The following TNS1 variants were observed in gnomAD, a reference collection of about 807,000 sequenced individuals.
TNS1 encodes the protein tensin-1.
Under a neutral mutation model 168.6 loss-of-function variants are expected in TNS1, and 62 were observed. That is an observed-to-expected ratio of 0.37 (90% CI 0.30 to 0.45). The LOEUF is 0.45. Among genes scored for constraint, TNS1 ranks in the 20% least tolerant of loss-of-function variants. The pLI is 1.00. For missense variants in TNS1, 2,240 were observed against 2,339.4 expected, an observed-to-expected ratio of 0.96 and a Z score of 0.88; for synonymous variants, 934 against 933.2, an observed-to-expected ratio of 1.00 and a Z score of -0.02.
upstream of TNS1, chr2:218,003,007 C>A: frequency 2.2e-6 from 1 of 444,590 alleles, no homozygotes; most frequent in Non-Finnish European, 4.5e-6. Flanking sequence ...CTGGGCCTCT[C>A]GCCCTGCTGC....
chr2:217,860,136 CA>C (rs1185763736), intron 18 of TNS1, among the ~76,000 whole-genome samples: 1 of 152,204 alleles, frequency 6.6e-6, no homozygotes, highest in African/African-American at 2.4e-5. Flanking sequence ...AAGTTTGGTA[CA>C]GCGAGATTGG....
chr2:217,966,309 G>A (rs1356747163), intron 3 of TNS1, among the ~76,000 whole-genome samples: 2 of 122,242 alleles, frequency 1.6e-5, no homozygotes, highest in Non-Finnish European at 1.7e-5. Flanking sequence ...GTGTGTGTGT[G>A]CGCGCGCGCG....
intron 3 of TNS1, among the ~76,000 whole-genome samples, chr2:217,973,977 G>C (rs945928272): frequency 6.6e-6 from 1 of 152,152 alleles, no homozygotes; most frequent in African/African-American, 2.4e-5. Context: ...CCTGCAATCC[G>C]CAAGAACACG....
At chr2:217,925,157 G>A (rs1372241137) in intron 3 of TNS1, among the ~76,000 whole-genome samples, 1 of 152,112 alleles carries the variant, frequency 6.6e-6, no homozygotes, top group Non-Finnish European at 1.5e-5. Flanking sequence ...CCTATGAAAT[G>A]TTCTGTCGTG....
At chr2:218,002,689 T>C (rs1958588480) in intron 1 of TNS1, among the ~76,000 whole-genome samples, 151 bp downstream of exon 1, 2 of 152,084 alleles carry the variant, frequency 1.3e-5, no homozygotes, top group Admixed American at 1.3e-4. Flanking sequence ...AGTCAGTCTG[T>C]CCTTCTGTAG....
At chr2:218,020,334 G>T (rs969812704) in intron 1 of TNS1, among the ~76,000 whole-genome samples, 3 of 152,056 alleles carry the variant, frequency 2.0e-5, no homozygotes, top group Admixed American at 2.0e-4. Flanking sequence ...GCCAACTCCT[G>T]GCTCAGCAGG....
At chr2:217,984,278 A>G (rs1342048235) in intron 2 of TNS1, among the ~76,000 whole-genome samples, 4 of 152,204 alleles carry the variant, frequency 2.6e-5, no homozygotes, top group Non-Finnish European at 5.9e-5. Context: ...GTCGGGGGAC[A>G]TGGTGTGGCT....
chr2:217,808,057 G>C lies in TNS1; in HGVS notation c.5375+18C>G, dbSNP rs1375583567. On this transcript the variant is annotated intron_variant, in intron 32 of 32. Coordinates refer to ENST00000682258, the MANE Select transcript of TNS1 (RefSeq NM_001387777.1). Reference sequence around the variant, plus strand: ...ACAAAGGCCAGCCTGCTGGGCAGGGGTAAGAAGTCACACTTACTTAGCAGG... The same window carrying C: ...ACAAAGGCCAGCCTGCTGGGCAGGGCTAAGAAGTCACACTTACTTAGCAGG... 6.2e-7 allele frequency: 1 copy of C among 1,613,160 alleles called. No homozygotes were observed. Among genetic ancestry groups the C allele is most frequent in the Non-Finnish European group, 8.5e-7 (1 of 1,179,882 alleles).
At chr2:217,864,020 T>C (rs1949033984) in intron 18 of TNS1, among the ~76,000 whole-genome samples, 1 of 152,140 alleles carries the variant, frequency 6.6e-6, no homozygotes, top group South Asian at 2.1e-4. Context: ...TCCAGGGTCT[T>C]CACACTTCCC....
chr2:217,825,129 G>A (rs556609206), intron 22 of TNS1, among the ~76,000 whole-genome samples: 102 of 152,264 alleles, frequency 6.7e-4, no homozygotes, highest in African/African-American at 9.4e-4. Context: ...ATTCACTGAC[G>A]TCGCTCCTGA....
intron 3 of TNS1, among the ~76,000 whole-genome samples, chr2:217,939,716 G>A (rs1376567466): frequency 6.6e-6 from 1 of 152,060 alleles, no homozygotes; most frequent in Admixed American, 6.5e-5. Context: ...ACCCAGGGCT[G>A]AGCTACAGGC....
At position 217,813,395 on chromosome 2, in the gene TNS1, G is replaced by A. The variant is rs560880894; in HGVS notation, c.4862-88C>T. The A allele has an allele frequency of 1.8e-5, 21 of 1,168,720 alleles. No homozygotes were observed. The African/African-American group carries it at 3.1e-4, about 17-fold the overall frequency. 72.4% of individuals were successfully genotyped at this position (1,168,720 alleles called of 1,614,324 possible). A position where few individuals can be genotyped will look rare whatever the true frequency, so the allele number is the denominator to read the frequency against. ...AAGACTGCTTCAAAACTTCCGCAGT[G>A]TGCGGGGCCAAGATGGGAGAAATGA... On this transcript the variant is annotated intron_variant, in intron 26 of 32. Transcript: ENST00000682258. The surrounding 1 kb of genome is among the most constrained non-coding windows in gnomAD (Gnocchi z 4.0).
intron 3 of TNS1, 148 bp downstream of exon 3, chr2:217,978,617 C>A (rs1296811589): frequency 3.8e-6 from 2 of 519,702 alleles, no homozygotes; most frequent in Non-Finnish European, 6.8e-6. Flanking sequence ...GCGCCCGCTC[C>A]CAGGCCCAGG....
At chr2:218,010,828 G>T (rs952665110), upstream of TNS1, among the ~76,000 whole-genome samples, 14 of 152,136 alleles carry the variant, frequency 9.2e-5, no homozygotes, top group South Asian at 6.2e-4. Context: ...TAACTTAAAC[G>T]GAGGCCTCCG....
intron 3 of TNS1, among the ~76,000 whole-genome samples, chr2:217,957,169 TC>T (rs1957385707): frequency 6.6e-6 from 1 of 152,254 alleles, no homozygotes; most frequent in Admixed American, 6.5e-5. Context: ...CAGCTGTGCT[TC>T]CCAGAGCCCA....
intron 1 of TNS1, among the ~76,000 whole-genome samples, chr2:218,008,953 C>T (rs1271258595): frequency 6.6e-6 from 1 of 152,160 alleles, no homozygotes; most frequent in Non-Finnish European, 1.5e-5. Flanking sequence ...AAATGCATTA[C>T]CTCATTTAAT....
At chr2:217,933,133 C>T (rs1203146320) in intron 3 of TNS1, among the ~76,000 whole-genome samples, 1 of 152,204 alleles carries the variant, frequency 6.6e-6, no homozygotes, top group Non-Finnish European at 1.5e-5. Flanking sequence ...CTGTCACCAG[C>T]ATTGTTTGGC....
intron 11 of TNS1, among the ~76,000 whole-genome samples, chr2:217,892,118 G>C (rs1052909300): frequency 6.6e-6 from 1 of 151,742 alleles, no homozygotes; most frequent in African/African-American, 2.4e-5. Flanking sequence ...TTTTCTTTTT[G>C]AGACAGAGTC....
chr2:217,891,182 T>A, intron 11 of TNS1, 137 bp from the exon 12 acceptor site: 2 of 753,838 alleles, frequency 2.7e-6, no homozygotes, highest in Non-Finnish European at 4.5e-6. Context: ...GACAAGCCTC[T>A]TCCCCCTGCC....
Sources: gnomAD v4.1 joint callset for allele counts (sites outside exome capture counted in the v4.1 genomes callset) on GRCh38, gnomAD v4.1.1 for gene constraint, Gnocchi (gnomAD v3.1) non-coding constraint, MANE v1.5 for transcripts, NCBI Gene and HGNC (gene_info 2026-07-23, HGNC 2026-07-21) for gene names.